The following PITPNC1 variants were observed in gnomAD, a reference collection of about 807,000 sequenced individuals.
The protein encoded by PITPNC1 is cytoplasmic phosphatidylinositol transfer protein 1.
Under a neutral mutation model 44.7 loss-of-function variants are expected in PITPNC1, and 18 were observed. The ratio of observed to expected loss-of-function variants is 0.40; its 90% confidence interval spans 0.28 to 0.60. The LOEUF (loss-of-function observed/expected upper bound fraction) is 0.60. PITPNC1 is among the 20% of genes least tolerant of loss of function. The pLI, the probability that PITPNC1 is intolerant of heterozygous loss-of-function variation, is 0.39. For missense variants in PITPNC1, 290 were observed against 418.4 expected (o/e 0.69, Z 2.68); for synonymous variants, 141 against 149.6 (o/e 0.94, Z 0.42).
chr17:67,682,617 C>T (rs1044863740), intron 8 of PITPNC1, among the ~76,000 whole-genome samples: 4 of 152,190 alleles, frequency 2.6e-5, no homozygotes, highest in Non-Finnish European at 5.9e-5. Flanking sequence ...CAAAATACTT[C>T]CCAGGGCTGT....
chr17:67,521,772 C>T (rs2040327986), intron 1 of PITPNC1, among the ~76,000 whole-genome samples: 1 of 152,166 alleles, frequency 6.6e-6, no homozygotes. Context: ...GAGTTACTCT[C>T]GGGCAGAACT....
chr17:67,601,517 G>A (rs1480533743), intron 5 of PITPNC1, among the ~76,000 whole-genome samples: 1 of 152,026 alleles, frequency 6.6e-6, no homozygotes, highest in Admixed American at 6.6e-5. Context: ...GTGGGAGGCT[G>A]GAGAAGGAGG....
intron 1 of PITPNC1, among the ~76,000 whole-genome samples, chr17:67,495,167 C>T (rs1310033072): frequency 6.7e-6 from 1 of 149,006 alleles, no homozygotes; most frequent in Admixed American, 6.8e-5. Flanking sequence ...CGCCATTCTC[C>T]TGCCTCAGCC....
chr17:67,680,129 G>A (rs758994860), intron 8 of PITPNC1, among the ~76,000 whole-genome samples: 7 of 152,132 alleles, frequency 4.6e-5, no homozygotes, highest in Non-Finnish European at 1.0e-4. Context: ...CCTGCTAGGG[G>A]TTGCATGAGC....
chr17:67,453,645 A>C (rs147557457), intron 1 of PITPNC1, among the ~76,000 whole-genome samples: 1 of 152,244 alleles, frequency 6.6e-6, no homozygotes, highest in Non-Finnish European at 1.5e-5. Flanking sequence ...AGGTGCTTAC[A>C]TAACGACAGA....
At chr17:67,523,532 C>A (rs908611478) in intron 1 of PITPNC1, among the ~76,000 whole-genome samples, 2 of 151,090 alleles carry the variant, frequency 1.3e-5, no homozygotes, top group African/African-American at 4.9e-5. Context: ...CCATGTCTTG[C>A]GAGGTATTCT....
intron 4 of PITPNC1, among the ~76,000 whole-genome samples, chr17:67,560,757 A>G (rs762599957): frequency 2.0e-5 from 3 of 152,222 alleles, no homozygotes; most frequent in Non-Finnish European, 2.9e-5. Context: ...TTTGGACTTC[A>G]GAGAAAATTA....
rs529343491 is a variant in PITPNC1, at chr17:67,425,188, C to T, written c.48+46986C>T. 3.7e-3 allele frequency among the ~76,000 whole-genome samples: 173 copies of T among 46,650 alleles called. 4 individuals are homozygous for T. The highest frequency in any genetic ancestry group is 0.021 in the African/African-American group (108 of 5,102). 30.6% of individuals were successfully genotyped at this position (46,650 alleles called of 152,430 possible). On this transcript the variant is annotated intron_variant, in intron 1 of 8. Transcript: ENST00000581322. The stretch of plus-strand genomic sequence containing the variant: ...AGGTGAAATAAACAGCCATGTTGTG[C>T]GCGCGCACGCACACGCACACACACA...
chr17:67,403,677 T>G (rs2038356405), intron 1 of PITPNC1, among the ~76,000 whole-genome samples: 2 of 152,172 alleles, frequency 1.3e-5, no homozygotes, highest in South Asian at 4.1e-4. Context: ...AAATTGAGGC[T>G]TAGAGGATTT....
intron 6 of PITPNC1, among the ~76,000 whole-genome samples, chr17:67,668,811 G>A (rs944727731): frequency 6.4e-5 from 7 of 108,570 alleles, no homozygotes; most frequent in East Asian, 2.5e-4. Flanking sequence ...GCAGTGAGCC[G>A]AGATCGCACC....
At chr17:67,600,302 A>C (rs889693171) in intron 5 of PITPNC1, among the ~76,000 whole-genome samples, 1 of 152,270 alleles carries the variant, frequency 6.6e-6, no homozygotes, top group East Asian at 1.9e-4. Context: ...CCACTCAAAA[A>C]CGACCCCGCA....
chr17:67,414,301 C>T (rs1263134566), intron 1 of PITPNC1, among the ~76,000 whole-genome samples: 2 of 152,176 alleles, frequency 1.3e-5, no homozygotes, highest in Non-Finnish European at 2.9e-5. Context: ...TCCAGATGCC[C>T]ACCAATAGGT....
At chr17:67,630,464 C>G (rs546841958) in intron 5 of PITPNC1, among the ~76,000 whole-genome samples, 1 of 152,090 alleles carries the variant, frequency 6.6e-6, no homozygotes, top group Non-Finnish European at 1.5e-5. Context: ...ACTAAAAATA[C>G]AAAAATTGGC....
chr17:67,629,997 T>C (rs1042940949), intron 5 of PITPNC1, among the ~76,000 whole-genome samples: 2 of 152,234 alleles, frequency 1.3e-5, no homozygotes, highest in Non-Finnish European at 2.9e-5. Context: ...CCAGCCGACT[T>C]GGAGGATAAT....
intron 1 of PITPNC1, among the ~76,000 whole-genome samples, chr17:67,440,498 TTTTATTTATTTATTTATTTATTTATTTA>T (rs59003947): frequency 7.3e-6 from 1 of 137,574 alleles, no homozygotes; most frequent in South Asian, 2.4e-4. Context: ...TTGCAAGACT[TTTTATTTATTTATTTATTTATTTATTTA>T]TTTATTTATT....
intron 8 of PITPNC1, among the ~76,000 whole-genome samples, chr17:67,677,398 A>G (rs2042621719): frequency 1.3e-5 from 2 of 152,232 alleles, no homozygotes; most frequent in South Asian, 4.2e-4. Flanking sequence ...AGCTAAAAGA[A>G]TAGCCGGGCT....
Position 67,470,641 on chromosome 17 carries a change from G to A in PITPNC1, c.49-62161G>A, listed in dbSNP as rs8070663. Among the ~76,000 whole-genome samples the A allele has an allele frequency of 4.9e-3, 740 of 152,104 alleles. 6 individuals are homozygous for A. The highest frequency in any genetic ancestry group is 0.017 in the African/African-American group (701 of 41,468). ...CGGGAGGTGAGGGGCACCTCTGCCC[G>A]GCCGCCCCTACTGGGAAGTGAGGAG... On this transcript the variant is annotated intron_variant, in intron 1 of 8. Coordinates refer to ENST00000581322, the MANE Select transcript of PITPNC1 (RefSeq NM_012417.4).
intron 5 of PITPNC1, among the ~76,000 whole-genome samples, chr17:67,610,690 AG>A (rs2041676224): frequency 6.6e-6 from 1 of 152,126 alleles, no homozygotes; most frequent in South Asian, 2.1e-4. Context: ...TGGGAGGCCG[AG>A]GTGGGCAGAT....
At chr17:67,522,325 AT>A (rs1449405844) in intron 1 of PITPNC1, among the ~76,000 whole-genome samples, 1 of 151,850 alleles carries the variant, frequency 6.6e-6, no homozygotes, top group Non-Finnish European at 1.5e-5. Context: ...AAAAAAAGAC[AT>A]CTAGGCTTAG....
Sources: allele counts gnomAD v4.1 joint callset (sites outside exome capture counted in the v4.1 genomes callset), GRCh38; gene constraint gnomAD v4.1.1; transcripts MANE v1.5; gene names NCBI Gene and HGNC (gene_info 2026-07-23, HGNC 2026-07-21).